The following MAP3K5 variants were observed in gnomAD, a reference collection of about 807,000 sequenced individuals.
The protein encoded by MAP3K5 is mitogen-activated protein kinase kinase kinase 5, also known as ASK-1.
Under a neutral mutation model 158.7 loss-of-function variants are expected in MAP3K5, and 56 were observed. That is an observed-to-expected ratio of 0.35 (90% CI 0.28 to 0.44). MAP3K5 has a LOEUF of 0.44. Ranked by LOEUF, MAP3K5 falls within the 20% of genes least tolerant of loss-of-function variation. The pLI is 1.00. For synonymous variants in MAP3K5, 579 were observed against 601.7 expected (o/e 0.96, Z 0.55); for missense variants, 1,294 against 1,674.8 (o/e 0.77, Z 3.97).
Position 136,601,959 on chromosome 6 carries a change from G to A in MAP3K5, c.2700C>T (p.His900=). The A allele has an allele frequency of 1.2e-6, 2 of 1,613,834 alleles. No individual in the cohort carries two copies. Among genetic ancestry groups the A allele is most frequent in the Non-Finnish European group, 1.7e-6 (2 of 1,179,922 alleles). Reference sequence around the variant, plus strand: ...CAGACATGGACTCTGGGATCTCAGGGTGGACTTTAAACATTCCCACCTAAG... The same window carrying A: ...CAGACATGGACTCTGGGATCTCAGGATGGACTTTAAACATTCCCACCTAAG... ...AMFKVGMFKV[H]PEIPESMSAE... The change falls in exon 20 of 30, where the codon CAC becomes CAT. Residue 900 remains histidine, a synonymous_variant. Coordinates refer to ENST00000359015, the MANE Select transcript of MAP3K5 (RefSeq NM_005923.4).
At chr6:136,667,293 GA>G (rs1399200171) in intron 8 of MAP3K5, among the ~76,000 whole-genome samples, 1 of 152,140 alleles carries the variant, frequency 6.6e-6, no homozygotes, top group Non-Finnish European at 1.5e-5. Flanking sequence ...AATATTTTTA[GA>G]ACACTGATAT....
chr6:136,583,415 G>A (rs1204027756), intron 24 of MAP3K5, 140 bp downstream of exon 24: 2 of 745,916 alleles, frequency 2.7e-6, no homozygotes, highest in Non-Finnish European at 2.1e-6. Context: ...CACACTGAGA[G>A]GCGAATATCT....
At chr6:136,722,761 T>C (rs951871766) in intron 1 of MAP3K5, among the ~76,000 whole-genome samples, 1 of 150,520 alleles carries the variant, frequency 6.6e-6, no homozygotes, top group Admixed American at 6.7e-5. Context: ...TCACTATATA[T>C]GCACAGCCTC....
intron 10 of MAP3K5, 79 bp downstream of exon 10, chr6:136,656,228 C>T (rs1037990012): frequency 7.4e-7 from 1 of 1,343,902 alleles, no homozygotes; most frequent in African/African-American, 1.4e-5. Flanking sequence ...AAAATCAGCC[C>T]CCAAGCACTG....
intron 29 of MAP3K5, among the ~76,000 whole-genome samples, chr6:136,558,573 A>C (rs1230577309): frequency 2.0e-5 from 3 of 152,208 alleles, no homozygotes; most frequent in African/African-American, 7.2e-5. Flanking sequence ...TCTTATTCAA[A>C]AAAATTCTTC....
At chr6:136,619,359 A>C (rs1259385057) in intron 15 of MAP3K5, among the ~76,000 whole-genome samples, 1 of 152,218 alleles carries the variant, frequency 6.6e-6, no homozygotes, top group Non-Finnish European at 1.5e-5. Context: ...TCTGGGTTTC[A>C]TGCTGGTTGC....
chr6:136,723,117 A>T (rs991009876), intron 1 of MAP3K5, among the ~76,000 whole-genome samples: 1 of 109,464 alleles, frequency 9.1e-6, no homozygotes, highest in Non-Finnish European at 1.9e-5. Context: ...CCATTGAAAA[A>T]ATATTTTTTT....
intron 1 of MAP3K5, among the ~76,000 whole-genome samples, chr6:136,760,212 A>T (rs1167003774): frequency 6.6e-6 from 1 of 152,172 alleles, no homozygotes; most frequent in Non-Finnish European, 1.5e-5. Flanking sequence ...ATGCTGTCTC[A>T]TGCTTAAATA....
chr6:136,744,784 A>C (rs1158637499), intron 1 of MAP3K5, among the ~76,000 whole-genome samples: 1 of 152,200 alleles, frequency 6.6e-6, no homozygotes, highest in Non-Finnish European at 1.5e-5. Context: ...AAAAGCAGCA[A>C]GTCTGAGTCC....
At chr6:136,757,863 C>T (rs1396962298) in intron 1 of MAP3K5, among the ~76,000 whole-genome samples, 2 of 152,106 alleles carry the variant, frequency 1.3e-5, no homozygotes, top group African/African-American at 4.8e-5. Flanking sequence ...GGATTCCAGG[C>T]ATGAGCCACT....
chr6:136,608,624 A>G (rs933749187), intron 18 of MAP3K5, among the ~76,000 whole-genome samples: 3 of 152,182 alleles, frequency 2.0e-5, no homozygotes, highest in African/African-American at 4.8e-5. Context: ...TGGCCTGTTA[A>G]GTCTTGCTTG....
intron 1 of MAP3K5, among the ~76,000 whole-genome samples, chr6:136,729,342 G>A (rs191582465): frequency 1.8e-4 from 27 of 151,894 alleles, no homozygotes; most frequent in African/African-American, 6.3e-4. Flanking sequence ...ACAATACCTC[G>A]AACTCTCTGA....
intron 1 of MAP3K5, among the ~76,000 whole-genome samples, chr6:136,772,653 C>G (rs971447499): frequency 1.3e-5 from 2 of 152,094 alleles, no homozygotes; most frequent in African/African-American, 4.8e-5. Flanking sequence ...AAAAATCAAG[C>G]CGAGTTTTGA....
chr6:136,641,352 C>T (rs1271359822), intron 12 of MAP3K5, among the ~76,000 whole-genome samples: 6 of 152,086 alleles, frequency 3.9e-5, no homozygotes, highest in Admixed American at 3.3e-4. Context: ...ATTGCATAAC[C>T]AGGCTGCAAA....
chr6:136,564,091 T>C (rs933338855), intron 26 of MAP3K5, among the ~76,000 whole-genome samples: 1 of 152,202 alleles, frequency 6.6e-6, no homozygotes, highest in African/African-American at 2.4e-5. Context: ...AAAAGATTAT[T>C]GTGAGCATTA....
chr6:136,613,510 TG>T lies in MAP3K5; in HGVS notation c.2279-255del, dbSNP rs1376113684. ...CAAGTCATGATGATAGATACTGAAA[TG>T]GTTCCCATATTTATGTATTGTCTCT... is the stretch of plus-strand genomic sequence containing the variant. On this transcript the variant is annotated intron_variant, in intron 16 of 29. Transcript: ENST00000359015. This position sits in a 1 kb window ranked among gnomAD's most constrained non-coding sequence, Gnocchi z 4.0. 1.2e-4 allele frequency among the ~76,000 whole-genome samples: 19 copies of T among 152,324 alleles called. No homozygotes were observed. The highest frequency in any genetic ancestry group is 6.8e-3 in the Middle Eastern group (2 of 294).
At chr6:136,578,059 A>T (rs189018601) in intron 25 of MAP3K5, among the ~76,000 whole-genome samples, 1 of 152,054 alleles carries the variant, frequency 6.6e-6, no homozygotes, top group East Asian at 1.9e-4. Context: ...ACTGTGTTTA[A>T]CTCATGGCCC....
chr6:136,698,469 C>A lies in MAP3K5; in HGVS notation c.806+20G>T, dbSNP rs1387396014. ...ACACTTTATTGTCATCACCAAATGG[C>A]ATTATTAATTAAACTTTACCTAGAA... is the stretch of plus-strand genomic sequence containing the variant. On this transcript the variant is annotated intron_variant, in intron 4 of 29. Coordinates refer to ENST00000359015, the MANE Select transcript of MAP3K5 (RefSeq NM_005923.4). The A allele has an allele frequency of 6.2e-7, 1 of 1,601,520 alleles. No homozygotes were observed. Among genetic ancestry groups the A allele is most frequent in the Middle Eastern group, 1.7e-4 (1 of 6,008 alleles).
intron 1 of MAP3K5, among the ~76,000 whole-genome samples, chr6:136,789,675 CTTTTTTTTTTT>C (rs57162918): frequency 4.6e-4 from 36 of 78,776 alleles, no homozygotes; most frequent in Middle Eastern, 8.2e-3. Context: ...AGCACAACCT[CTTTTTTTTTTT>C]TTTTTTTTTT....
Sources: gnomAD v4.1 joint callset for allele counts (sites outside exome capture counted in the v4.1 genomes callset) on GRCh38, gnomAD v4.1.1 for gene constraint, Gnocchi (gnomAD v3.1) non-coding constraint, MANE v1.5 for transcripts, NCBI Gene and HGNC (gene_info 2026-07-23, HGNC 2026-07-21) for gene names.